Variants in THSD7B observed in about 807,000 individuals in gnomAD.
THSD7B encodes the protein thrombospondin type 1 domain containing 7B, also known as thrombospondin type-1 domain-containing protein 7B.
THSD7B carries 138 observed loss-of-function variants against 213.6 expected under a neutral mutation model. The observed-to-expected ratio is 0.65, with a 90% CI of 0.56 to 0.74. The LOEUF (loss-of-function observed/expected upper bound fraction) is 0.74, where lower values mean the gene tolerates loss of function less well. THSD7B is among the 30% of genes least tolerant of loss of function. The probability of loss-of-function intolerance (pLI) is 0.00; values close to 1 mark genes in which losing one functional copy is unlikely to be tolerated. For missense variants in THSD7B, 1,931 were observed against 1,991.5 expected (o/e 0.97, Z 0.58); for synonymous variants, 742 against 687.0 (o/e 1.08, Z -1.25).
chr2:137,442,043 A>C (rs1421438377), intron 14 of THSD7B, among the ~76,000 whole-genome samples: 1 of 152,114 alleles, frequency 6.6e-6, no homozygotes, highest in East Asian at 1.9e-4. Flanking sequence ...CAGCATTATA[A>C]GAAATTAGAA....
intron 2 of THSD7B, among the ~76,000 whole-genome samples, chr2:136,984,073 A>G (rs904927568): frequency 1.3e-5 from 2 of 152,252 alleles, no homozygotes; most frequent in Non-Finnish European, 2.9e-5. Context: ...AAAAGAGAGC[A>G]AGAAAGAAAA....
chr2:137,240,894 TATC>T (rs1218012233), intron 9 of THSD7B, among the ~76,000 whole-genome samples: 3 of 152,166 alleles, frequency 2.0e-5, no homozygotes, highest in Non-Finnish European at 2.9e-5. Context: ...CACTCTGAAT[TATC>T]ATCTCTTTTT....
At chr2:137,481,053 A>G (rs1457659570) in intron 15 of THSD7B, among the ~76,000 whole-genome samples, 1 of 152,208 alleles carries the variant, frequency 6.6e-6, no homozygotes, top group African/African-American at 2.4e-5. Context: ...TCCCCTCTGG[A>G]GAAAATAACT....
chr2:137,360,358 G>A (rs997941003), intron 12 of THSD7B, among the ~76,000 whole-genome samples: 15 of 152,122 alleles, frequency 9.9e-5, no homozygotes, highest in African/African-American at 3.6e-4. Flanking sequence ...ATCTCATTGG[G>A]ACTGGTCAGA....
At chr2:136,978,211 A>G (rs1685515272) in intron 2 of THSD7B, among the ~76,000 whole-genome samples, 2 of 152,206 alleles carry the variant, frequency 1.3e-5, no homozygotes, top group South Asian at 4.1e-4. Flanking sequence ...ACTTCTGATT[A>G]TGTGATCAAT....
chr2:137,155,393 A>T (rs1390663879), intron 5 of THSD7B, among the ~76,000 whole-genome samples: 2 of 152,212 alleles, frequency 1.3e-5, no homozygotes, highest in Admixed American at 6.5e-5. Flanking sequence ...TCATTGCATT[A>T]AGAGAAGACA....
chr2:137,620,995 A>G (rs920045797), intron 20 of THSD7B, among the ~76,000 whole-genome samples: 1 of 152,206 alleles, frequency 6.6e-6, no homozygotes, highest in Non-Finnish European at 1.5e-5. Context: ...AAGCTCAACA[A>G]ATTGAAAAAA....
intron 12 of THSD7B, among the ~76,000 whole-genome samples, chr2:137,356,169 G>T (rs1290268697): frequency 6.6e-6 from 1 of 152,166 alleles, no homozygotes; most frequent in East Asian, 1.9e-4. Context: ...GTGCATCACG[G>T]TGGGCTAACA....
chr2:137,066,510 T>A (rs1687385146), intron 3 of THSD7B, among the ~76,000 whole-genome samples: 1 of 152,114 alleles, frequency 6.6e-6, no homozygotes, highest in South Asian at 2.1e-4. Flanking sequence ...TTGCTTTCAA[T>A]AGCACATGAT....
chr2:137,405,953 C>G (rs971856471), intron 13 of THSD7B, 146 bp downstream of exon 13: 29 of 646,352 alleles, frequency 4.5e-5, no homozygotes, highest in Non-Finnish European at 7.2e-5. Context: ...AAACTCAGAA[C>G]AATGCCTGGT....
chr2:136,993,840 G>C (rs955837332), intron 2 of THSD7B, among the ~76,000 whole-genome samples: 1 of 152,172 alleles, frequency 6.6e-6, no homozygotes, highest in African/African-American at 2.4e-5. Context: ...CTGTGTCTGC[G>C]TGCATGTGTG....
chr2:137,409,329 A>G (rs772052794), intron 13 of THSD7B, among the ~76,000 whole-genome samples: 13 of 152,204 alleles, frequency 8.5e-5, no homozygotes, highest in Non-Finnish European at 1.8e-4. Flanking sequence ...AAACAAATGG[A>G]CTGATGCAAT....
At chr2:137,512,543 C>A (rs528072621) in intron 15 of THSD7B, among the ~76,000 whole-genome samples, 3 of 151,818 alleles carry the variant, frequency 2.0e-5, no homozygotes, top group Admixed American at 1.3e-4. Flanking sequence ...AGGCACGCAC[C>A]ACCACTCTCA....
intron 27 of THSD7B, among the ~76,000 whole-genome samples, chr2:137,668,522 A>G (rs1055084308): frequency 2.6e-5 from 4 of 152,050 alleles, no homozygotes; most frequent in African/African-American, 9.7e-5. Context: ...CTAGTTTATC[A>G]TACAGAATAT....
intron 12 of THSD7B, among the ~76,000 whole-genome samples, chr2:137,404,023 C>G (rs893813485): frequency 8.6e-5 from 13 of 151,854 alleles, no homozygotes; most frequent in Admixed American, 6.6e-5. Flanking sequence ...CTATAATTAA[C>G]CAGAGTGAAA....
intron 15 of THSD7B, among the ~76,000 whole-genome samples, chr2:137,463,902 A>G (rs1238352228): frequency 6.6e-6 from 1 of 152,138 alleles, no homozygotes; most frequent in Non-Finnish European, 1.5e-5. Flanking sequence ...CAGCTTCTGC[A>G]CAGCCTCTAT....
intron 17 of THSD7B, among the ~76,000 whole-genome samples, chr2:137,615,109 A>C (rs1573744450): frequency 6.6e-6 from 1 of 152,138 alleles, no homozygotes; most frequent in South Asian, 2.1e-4. Flanking sequence ...AATTGATATT[A>C]AGACTTTCAG....
chr2:136,772,944 C>A (rs1247110902), intron 1 of THSD7B, among the ~76,000 whole-genome samples: 1 of 152,076 alleles, frequency 6.6e-6, no homozygotes, highest in Non-Finnish European at 1.5e-5. Flanking sequence ...AACAAATATA[C>A]TGTTGGAATC....
intron 20 of THSD7B, among the ~76,000 whole-genome samples, chr2:137,624,256 G>A (rs1682579430): frequency 6.6e-6 from 1 of 152,208 alleles, no homozygotes; most frequent in African/African-American, 2.4e-5. Context: ...AACTGCTGCT[G>A]GGAAAACTGG....
Sources: allele counts gnomAD v4.1 joint callset (sites outside exome capture counted in the v4.1 genomes callset), GRCh38; gene constraint gnomAD v4.1.1; transcripts MANE v1.5; gene names NCBI Gene and HGNC (gene_info 2026-07-23, HGNC 2026-07-21).